NUP54: variants seen among roughly 807,000 people sequenced by gnomAD.
NUP54 encodes the protein nucleoporin p54.
NUP54 carries 27 observed loss-of-function variants against 66.4 expected under a neutral mutation model. The observed-to-expected ratio is 0.41, with a 90% CI of 0.30 to 0.56. NUP54 has a LOEUF of 0.56. NUP54 is among the 20% of genes least tolerant of loss of function. The pLI is 0.34. For missense variants in NUP54, 486 were observed against 596.3 expected, an observed-to-expected ratio of 0.82 and a Z score of 1.93; for synonymous variants, 206 against 210.7, an observed-to-expected ratio of 0.98 and a Z score of 0.19.
intron 3 of NUP54, 94 bp downstream of exon 3, chr4:76,144,055 T>C (rs1731378264): frequency 2.4e-6 from 3 of 1,239,670 alleles, no homozygotes. Flanking sequence ...TAATAATTCT[T>C]ATAAAAAGTC....
In NUP54 at chr4:76,131,303, A is replaced by AT. The variant is rs1730792930; in HGVS notation, c.908-20dup. 6.6e-7 allele frequency: 1 copy of AT among 1,518,140 alleles called. No individual in the cohort carries two copies. The highest frequency in any genetic ancestry group is 9.0e-7 in the Non-Finnish European group (1 of 1,110,398). The allele number at this position is 1,518,140 out of a possible 1,614,324, so 94.0% of individuals were successfully genotyped here. On this transcript the variant is annotated intron_variant, in intron 6 of 11. Transcript: ENST00000264883. ...TCAACACCTACCACAAATAAAAAAT[A>AT]TTTTTTCTAAAACAATTTTCTATTT...
At chr4:76,148,191 T>C in intron 1 of NUP54, 117 bp downstream of exon 1, 4 of 861,834 alleles carry the variant, frequency 4.6e-6, no homozygotes, top group Non-Finnish European at 6.4e-6. Flanking sequence ...CCAATGCCTC[T>C]AAAGTCTCCG....
At chr4:76,123,508 C>T (rs1018809777) in intron 9 of NUP54, among the ~76,000 whole-genome samples, 1 of 149,442 alleles carries the variant, frequency 6.7e-6, no homozygotes. Flanking sequence ...GCAGCATCTT[C>T]TTTTTTTTTT....
intron 1 of NUP54, 116 bp downstream of exon 1, chr4:76,148,192 A>G (rs1731594875): frequency 3.5e-6 from 3 of 856,714 alleles, no homozygotes; most frequent in East Asian, 6.6e-5. Flanking sequence ...CAATGCCTCT[A>G]AAGTCTCCGC....
At chr4:76,125,506 A>G (rs1730443739) in intron 8 of NUP54, among the ~76,000 whole-genome samples, 1 of 147,278 alleles carries the variant, frequency 6.8e-6, no homozygotes, top group African/African-American at 2.5e-5. Context: ...GTAGTGCTAC[A>G]TGCCTGTAAT....
intron 11 of NUP54, among the ~76,000 whole-genome samples, chr4:76,116,731 C>T (rs1019628244): frequency 1.3e-5 from 2 of 152,134 alleles, no homozygotes; most frequent in African/African-American, 4.8e-5. Context: ...ACAAATCATT[C>T]TATGATCTTG....
At chr4:76,120,064 A>G (rs891916495) in intron 9 of NUP54, among the ~76,000 whole-genome samples, 1 of 152,184 alleles carries the variant, frequency 6.6e-6, no homozygotes, top group Non-Finnish European at 1.5e-5. Flanking sequence ...CCAATAATCA[A>G]TAATTATTGT....
chr4:76,139,906 A>G (rs1169594237), intron 3 of NUP54, among the ~76,000 whole-genome samples: 1 of 152,204 alleles, frequency 6.6e-6, no homozygotes, highest in Non-Finnish European at 1.5e-5. Flanking sequence ...GTAAGTGTTC[A>G]CTGGATTTAC....
In NUP54 at chr4:76,115,424, T is replaced by G; in HGVS notation, c.1466A>C (p.Lys489Thr). 1 of 1,611,740 alleles carries G rather than the reference T, an allele frequency of 6.2e-7. No individual in the cohort carries two copies. The part of the protein sequence containing the change: ...SIIKDDLEDI[K>T]LVEHGLNETI... ...TTCATTCAATCCATGTTCGACCAGC[T>G]TTATATCTTCTAGATCGTCTTTAAT... Residue 489 changes from lysine (K) to threonine (T), a missense_variant, in exon 12 of 12, where the codon AAG becomes ACG. Coordinates refer to ENST00000264883, the MANE Select transcript of NUP54 (RefSeq NM_017426.4).
chr4:76,126,408 G>A lies in NUP54; in HGVS notation c.1057-1652C>T, dbSNP rs529090398. The stretch of plus-strand genomic sequence containing the variant: ...AAGACATATTTTAGCACATCCACCT[G>A]CACACATCACCTTTTACAGAAACTT... On this transcript the variant is annotated intron_variant, in intron 8 of 11. Coordinates refer to ENST00000264883, the MANE Select transcript of NUP54 (RefSeq NM_017426.4). 1.3e-3 allele frequency among the ~76,000 whole-genome samples: 203 copies of A among 152,302 alleles called. 1 individual carries two copies. The highest frequency in any genetic ancestry group is 4.7e-3 in the African/African-American group (195 of 41,572).
At chr4:76,131,607 A>G (rs1730804827) in intron 6 of NUP54, among the ~76,000 whole-genome samples, 1 of 152,054 alleles carries the variant, frequency 6.6e-6, no homozygotes, top group African/African-American at 2.4e-5. Flanking sequence ...AAAAATATAA[A>G]TGTAGCTAAT....
intron 3 of NUP54, among the ~76,000 whole-genome samples, chr4:76,142,312 T>C (rs920858167): frequency 6.6e-6 from 1 of 152,262 alleles, no homozygotes; most frequent in Non-Finnish European, 1.5e-5. Flanking sequence ...ATTCTGAGAA[T>C]ACTATTCTAT....
intron 8 of NUP54, among the ~76,000 whole-genome samples, chr4:76,125,086 T>A (rs954316617): frequency 2.6e-5 from 4 of 151,766 alleles, no homozygotes; most frequent in Admixed American, 6.6e-5. Context: ...GGTCAGGAGT[T>A]CAAGACCAGC....
intron 5 of NUP54, among the ~76,000 whole-genome samples, chr4:76,133,299 T>A (rs1029729394): frequency 6.8e-6 from 1 of 146,462 alleles, no homozygotes; most frequent in Non-Finnish European, 1.5e-5. Flanking sequence ...ACCAGGTAAA[T>A]AAGATAGTAT....
At chr4:76,142,579 T>C (rs1731309365) in intron 3 of NUP54, among the ~76,000 whole-genome samples, 1 of 152,172 alleles carries the variant, frequency 6.6e-6, no homozygotes, top group African/African-American at 2.4e-5. Flanking sequence ...TCTTCACCCA[T>C]AAAATGGGGA....
At chr4:76,135,779 G>A (rs1731013819) in intron 4 of NUP54, among the ~76,000 whole-genome samples, 1 of 152,166 alleles carries the variant, frequency 6.6e-6, no homozygotes, top group East Asian at 1.9e-4. Flanking sequence ...CACAGAAAAT[G>A]GGCAATATTG....
At chr4:76,115,620 A>G (rs1729919754) in intron 11 of NUP54, 126 bp from the exon 12 acceptor site, 1 of 564,342 alleles carries the variant, frequency 1.8e-6, no homozygotes, top group Non-Finnish European at 2.9e-6. Context: ...TGCTCTAAAT[A>G]TAGAGGGCAT....
chr4:76,126,994 T>A (rs1337654070), intron 8 of NUP54, among the ~76,000 whole-genome samples: 1 of 151,628 alleles, frequency 6.6e-6, no homozygotes, highest in African/African-American at 2.4e-5. Context: ...ACTAAAAAAA[T>A]GTGGAATGGG....
rs536085375 is a variant in NUP54, at chr4:76,146,947, T to C, written c.67+1361A>G. Among the ~76,000 whole-genome samples the C allele has an allele frequency of 3.3e-5, 5 of 152,340 alleles. No homozygotes were observed. The East Asian group carries it at 9.6e-4, about 29-fold the overall frequency. The stretch of plus-strand genomic sequence containing the variant: ...ATTCTTTCTATAATTACAAATCTTA[T>C]AGAAATTACACATCTTATAGTATCC... On this transcript the variant is annotated intron_variant, in intron 1 of 11. Transcript: ENST00000264883.
Sources: gnomAD v4.1 joint callset for allele counts (sites outside exome capture counted in the v4.1 genomes callset) on GRCh38, gnomAD v4.1.1 for gene constraint, MANE v1.5 for transcripts, NCBI Gene and HGNC (gene_info 2026-07-23, HGNC 2026-07-21) for gene names.